The following PABPC1L variants were observed in gnomAD, a reference collection of about 807,000 sequenced individuals.
PABPC1L encodes polyadenylate-binding protein 1-like.
In PABPC1L, 31 loss-of-function variants were observed where a neutral mutation model predicts 66.6. That is an observed-to-expected ratio of 0.47 (90% CI 0.35 to 0.63). PABPC1L has a LOEUF of 0.63. PABPC1L is among the 20% of genes least tolerant of loss of function. The pLI is 0.00. For synonymous variants in PABPC1L, 348 were observed against 335.1 expected (o/e 1.04, Z -0.42); for missense variants, 722 against 848.8 (o/e 0.85, Z 1.86).
At chr20:44,933,961 AG>A (rs1278869972) in intron 10 of PABPC1L, among the ~76,000 whole-genome samples, 1 of 151,834 alleles carries the variant, frequency 6.6e-6, no homozygotes, top group Non-Finnish European at 1.5e-5. Context: ...CATGTTGGCC[AG>A]GCTGGTCTCG....
chr20:44,914,495 A>G (rs568637169), intron 2 of PABPC1L, among the ~76,000 whole-genome samples: 84 of 152,330 alleles, frequency 5.5e-4, no homozygotes, highest in South Asian at 5.4e-3. Flanking sequence ...GGCGTGAGCC[A>G]CTGCACCTGG....
chr20:44,933,150 A>C lies in PABPC1L; in HGVS notation c.1424A>C (p.Gln475Pro). The change falls in exon 10 of 15, where the codon CAG becomes CCG. Residue 475 changes from glutamine to proline, a missense_variant. Physicochemically the swap from Gln to Pro is moderately conservative, Grantham distance 76 (BLOSUM62 -1). Transcript: ENST00000217073. The stretch of plus-strand genomic sequence containing the variant: ...AGCAGTGTCAGGCAGGCCTCCACCC[A>C]GGTGCCACGCACGGTGCCTCATACC... The part of the protein sequence containing the change: ...HISSVRQAST[Q>P]VPRTVPHTQR... 1 of 1,609,626 alleles carries C rather than the reference A, an allele frequency of 6.2e-7. No homozygotes were observed. The highest frequency in any genetic ancestry group is 1.1e-5 in the South Asian group (1 of 89,784).
chr20:44,921,650 G>A lies in PABPC1L; in HGVS notation c.795G>A (p.Arg265=). The A allele has an allele frequency of 6.2e-7, 1 of 1,613,998 alleles. No individual in the cohort carries two copies. Among genetic ancestry groups the A allele is most frequent in the Non-Finnish European group, 8.5e-7 (1 of 1,179,980 alleles). The change falls in exon 6 of 15, where the codon CGG becomes CGA. Residue 265 remains arginine (R), a synonymous_variant. Coordinates refer to ENST00000217073, the MANE Select transcript of PABPC1L (RefSeq NM_001372179.1). Reference sequence around the variant, plus strand: ...GCGGGCGGCTGCTGTACGCGGGCCGGGCCCAAAAGCGCGTGGAGCGGCAGA... The same window carrying A: ...GCGGGCGGCTGCTGTACGCGGGCCGAGCCCAAAAGCGCGTGGAGCGGCAGA... ...EVSGRLLYAG[R]AQKRVERQNE... is the part of the protein sequence containing the mutation.
Position 44,910,341 on chromosome 20 carries a change from GC to G in PABPC1L, c.193+9del, listed in dbSNP as rs1232713456. 1 of 1,501,360 alleles carries G rather than the reference GC, an allele frequency of 6.7e-7. No individual in the cohort carries two copies. The highest frequency in any genetic ancestry group is 8.9e-7 in the Non-Finnish European group (1 of 1,117,366). The allele number at this position is 1,501,360 out of a possible 1,614,324, so 93.0% of individuals were successfully genotyped here. A position where few individuals can be genotyped will look rare whatever the true frequency, so the allele number is the denominator to read the frequency against. On this transcript the variant is annotated splice_donor_region_variant and intron_variant, in intron 1 of 14. Transcript: ENST00000217073. ...ACTTCCAGCAGCCCGCGGACGGTGA[GC>G]CCCGGGGATGGGGCGGGAGGGGAAG...
intron 2 of PABPC1L, among the ~76,000 whole-genome samples, chr20:44,916,470 C>T (rs1446031536): frequency 6.6e-6 from 1 of 152,158 alleles, no homozygotes; most frequent in Non-Finnish European, 1.5e-5. Flanking sequence ...GACAGGGTTG[C>T]ACCATGTTGT....
intron 7 of PABPC1L, among the ~76,000 whole-genome samples, chr20:44,925,309 G>A (rs996543872): frequency 6.6e-6 from 1 of 151,766 alleles, no homozygotes; most frequent in African/African-American, 2.4e-5. Flanking sequence ...ACCAGGCTCT[G>A]TGGGAAACAG....
Position 44,938,734 on chromosome 20 carries a change from A to G in PABPC1L, c.1852A>G (p.Met618Val), listed in dbSNP as rs1040459694. ...GGCTATGGAGCAGCCGAAGGCGTAC[A>G]TGCACTGAAACCAGGTGGGTGGAAT... is the stretch of plus-strand genomic sequence containing the variant. The part of the protein sequence containing the change: ...HQAMEQPKAY[M>V]H The change falls in exon 14 of 15, where the codon ATG (methionine) becomes GTG (valine). Residue 618 changes from methionine (M) to valine (V), a missense_variant. This residue lies in a region of PABPC1L where 301 missense variants were observed against 337.2 expected (regional missense o/e 0.89). Transcript: ENST00000217073. 1.9e-6 allele frequency: 3 copies of G among 1,611,264 alleles called. No individual in the cohort carries two copies. The highest frequency in any genetic ancestry group is 1.3e-5 in the African/African-American group (1 of 74,920).
chr20:44,916,628 C>A, intron 2 of PABPC1L, 128 bp from the exon 3 acceptor site: 1 of 828,180 alleles, frequency 1.2e-6, no homozygotes, highest in Non-Finnish European at 2.1e-6. Flanking sequence ...ATACCCCATC[C>A]CTAACATGCA....
At chr20:44,932,527 T>A in intron 9 of PABPC1L, 95 bp downstream of exon 9, 1 of 1,123,678 alleles carries the variant, frequency 8.9e-7, no homozygotes, top group Non-Finnish European at 1.3e-6. Flanking sequence ...GCTCTGCCAC[T>A]TCCCAAGGTG....
At chr20:44,917,949 A>T (rs1250962538) in intron 3 of PABPC1L, among the ~76,000 whole-genome samples, 2 of 152,316 alleles carry the variant, frequency 1.3e-5, no homozygotes, top group South Asian at 4.1e-4. Context: ...CGTGCTATAG[A>T]TACCATCAGA....
intron 7 of PABPC1L, among the ~76,000 whole-genome samples, chr20:44,924,862 G>A (rs2066797860): frequency 6.6e-6 from 1 of 151,938 alleles, no homozygotes; most frequent in Non-Finnish European, 1.5e-5. Context: ...ACACACCTCA[G>A]TCAGGCATAG....
intron 2 of PABPC1L, among the ~76,000 whole-genome samples, chr20:44,913,087 G>A (rs1405943932): frequency 6.6e-6 from 1 of 152,172 alleles, no homozygotes; most frequent in Non-Finnish European, 1.5e-5. Context: ...TTTAGTGGCC[G>A]TCAACAACAA....
At chr20:44,915,451 T>A (rs1335113930) in intron 2 of PABPC1L, among the ~76,000 whole-genome samples, 1 of 152,138 alleles carries the variant, frequency 6.6e-6, no homozygotes, top group Non-Finnish European at 1.5e-5. Context: ...AGTTCTGTCC[T>A]GCTGGCCTGA....
Position 44,933,079 on chromosome 20 carries a change from A to C in PABPC1L, c.1353A>C (p.Ser451=). 2.5e-6 allele frequency: 4 copies of C among 1,595,510 alleles called. No individual in the cohort carries two copies. Among genetic ancestry groups the C allele is most frequent in the Non-Finnish European group, 3.4e-6 (4 of 1,171,970 alleles). The change falls in exon 10 of 15, where the codon TCA becomes TCC. Residue 451 remains serine (S), a synonymous_variant. Transcript: ENST00000217073. ...RPSSAYPPGA[S]MVRPPVVPRR... ...AAGCTGCCTACCCTCCAGGTGCCTC[A>C]ATGGTCCGGCCACCAGTTGTGCCTC...
chr20:44,912,627 C>T, intron 1 of PABPC1L, 33 bp from the exon 2 acceptor site: 1 of 1,562,790 alleles, frequency 6.4e-7, no homozygotes, highest in African/African-American at 1.4e-5. Flanking sequence ...ATTCCCTAAA[C>T]TTGCTAATTT....
At chr20:44,916,723 G>C (rs1240506605) in intron 2 of PABPC1L, 33 bp from the exon 3 acceptor site, 2 of 1,600,620 alleles carry the variant, frequency 1.2e-6, no homozygotes, top group East Asian at 4.5e-5. Flanking sequence ...CCCTCTGTCA[G>C]TACTCTTCCT....
At chr20:44,932,310 C>T (rs777101717) in intron 8 of PABPC1L, 32 bp from the exon 9 acceptor site, 14 of 1,559,958 alleles carry the variant, frequency 9.0e-6, no homozygotes, top group Non-Finnish European at 1.2e-5. Context: ...TGCCGCCAAG[C>T]CCCTCAGTCT....
At chr20:44,913,695 CTG>C (rs2066719674) in intron 2 of PABPC1L, among the ~76,000 whole-genome samples, 1 of 152,126 alleles carries the variant, frequency 6.6e-6, no homozygotes, top group Admixed American at 6.6e-5. Flanking sequence ...GCCACCGCAC[CTG>C]GCCTCTTTCA....
intron 14 of PABPC1L, 90 bp from the exon 15 acceptor site, chr20:44,939,036 A>G (rs934960902): frequency 1.4e-6 from 1 of 711,524 alleles, no homozygotes; most frequent in Admixed American, 2.0e-5. Context: ...GCCTGCCTGA[A>G]GGCCTGGCCA....
Sources: allele counts gnomAD v4.1 joint callset (sites outside exome capture counted in the v4.1 genomes callset), GRCh38; gene constraint gnomAD v4.1.1; regional missense constraint gnomAD v4.1.1; transcripts MANE v1.5; gene names NCBI Gene and HGNC (gene_info 2026-07-23, HGNC 2026-07-21).